The following KEL variants were observed in gnomAD, a reference collection of about 807,000 sequenced individuals.
The protein encoded by KEL is kell blood group glycoprotein.
KEL carries 96 observed loss-of-function variants against 99.5 expected under a neutral mutation model. The ratio of observed to expected loss-of-function variants is 0.97; its 90% CI spans 0.82 to 1.14. The LOEUF (loss-of-function observed/expected upper bound fraction) is 1.14, where lower values mean the gene tolerates loss of function less well. KEL is among the 50% of genes most tolerant of loss of function. The probability of loss-of-function intolerance (pLI) is 0.00; values close to 1 mark genes in which losing one functional copy is unlikely to be tolerated. For synonymous variants in KEL, 355 were observed against 354.8 expected (o/e 1.00, Z -0.01); for missense variants, 926 against 924.2 (o/e 1.00, Z -0.03).
At position 142,952,588 on chromosome 7, in the gene KEL, G is replaced by C; in HGVS notation, c.1124C>G (p.Pro375Arg). 1 of 1,614,110 alleles carries C rather than the reference G, an allele frequency of 6.2e-7. No homozygotes were observed. The highest frequency in any genetic ancestry group is 8.5e-7 in the Non-Finnish European group (1 of 1,180,018). ...CTCCTGGAATTGACTGTCCAGGGCT[G>C]GAGAAAGGGTCACCACCAGCCCTAA... ...MILGLVVTLS[P>R]ALDSQFQEAR... Residue 375 changes from proline (P) to arginine (R), a missense_variant, in exon 10 of 19, where the codon CCA becomes CGA. By Grantham distance (103) the Pro-to-Arg change is moderately radical. Coordinates refer to ENST00000355265, the MANE Select transcript of KEL (RefSeq NM_000420.3).
chr7:142,949,710 C>T (rs1796627965), intron 10 of KEL, among the ~76,000 whole-genome samples: 1 of 152,010 alleles, frequency 6.6e-6, no homozygotes, highest in Non-Finnish European at 1.5e-5. Context: ...CGATGCCCTT[C>T]TCCCTTCAGG....
At position 142,962,293 on chromosome 7, in the gene KEL, C is replaced by A. The variant is rs1242863593; in HGVS notation, c.-87G>T. The stretch of plus-strand genomic sequence containing the variant: ...ACTGGGGTCCAGGAAACACCCCCCG[C>A]CCCAGTTCCTTGATCCTGGAGAAGG... On this transcript the variant is annotated 5_prime_UTR_variant, in exon 1 of 19. Coordinates refer to ENST00000355265, the MANE Select transcript of KEL (RefSeq NM_000420.3). 4 of 1,478,038 alleles carry A rather than the reference C, an allele frequency of 2.7e-6. No homozygotes were observed. In the African/African-American group the frequency reaches 5.5e-5, roughly 20 times the overall value. The allele number at this position is 1,478,038 out of a possible 1,614,324, so 91.6% of individuals were successfully genotyped here.
chr7:142,941,953 C>T (rs761867376), intron 18 of KEL: 7 of 167,958 alleles, frequency 4.2e-5, no homozygotes, highest in South Asian at 3.2e-4. Context: ...GGATTACAGG[C>T]GCCCGCCACC....
chr7:142,958,278 A>G (rs749470793), intron 5 of KEL, 26 bp downstream of exon 5: 21 of 1,613,934 alleles, frequency 1.3e-5, no homozygotes, highest in Non-Finnish European at 1.8e-5. Flanking sequence ...TGTATCCAGA[A>G]AAGTTAATAT....
At chr7:142,958,181 T>C (rs1796873994) in intron 5 of KEL, 123 bp downstream of exon 5, 2 of 1,432,820 alleles carry the variant, frequency 1.4e-6, no homozygotes, top group Non-Finnish European at 2.0e-6. Context: ...TCCATCTCCC[T>C]CCTAGAAATT....
chr7:142,945,984 T>G (rs1321563754), intron 11 of KEL: 4 of 591,920 alleles, frequency 6.8e-6, no homozygotes, highest in African/African-American at 1.9e-5. Flanking sequence ...GGGTGACTTG[T>G]CCAAGTGAGA....
intron 7 of KEL, 43 bp downstream of exon 7, chr7:142,954,422 C>T (rs1796774963): frequency 5.6e-6 from 9 of 1,612,080 alleles, no homozygotes; most frequent in Admixed American, 1.7e-5. Context: ...CTGCTTTTCT[C>T]CTGGCCTCAG....
intron 4 of KEL, among the ~76,000 whole-genome samples, chr7:142,960,441 C>G (rs1796928438): frequency 6.6e-6 from 1 of 152,042 alleles, no homozygotes; most frequent in African/African-American, 2.4e-5. Flanking sequence ...CATTGGGAGA[C>G]TGAGGTTTTG....
At chr7:142,941,449 C>T in intron 18 of KEL, 36 bp from the exon 19 acceptor site, 5 of 1,551,094 alleles carry the variant, frequency 3.2e-6, no homozygotes, top group Non-Finnish European at 4.4e-6. Flanking sequence ...GGGGGAGGGT[C>T]CACAGGACAA....
chr7:142,954,078 A>G, intron 8 of KEL, 106 bp downstream of exon 8: 1 of 1,423,660 alleles, frequency 7.0e-7, no homozygotes, highest in Non-Finnish European at 9.8e-7. Context: ...GGAGTCAGAG[A>G]CAGAATGAAA....
intron 10 of KEL, among the ~76,000 whole-genome samples, chr7:142,948,120 G>T (rs971634304): frequency 2.0e-5 from 3 of 152,140 alleles, no homozygotes; most frequent in African/African-American, 7.2e-5. Context: ...GATGCCCTTT[G>T]CTGGAGCCTG....
At chr7:142,941,626 T>C (rs1218754963) in intron 18 of KEL, among the ~76,000 whole-genome samples, 2 of 152,118 alleles carry the variant, frequency 1.3e-5, no homozygotes, top group African/African-American at 4.8e-5. Flanking sequence ...CATTTATCAA[T>C]GACAGAGAGG....
Position 142,942,966 on chromosome 7 carries a change from G to A in KEL, c.1850C>T (p.Ala617Val), listed in dbSNP as rs374902111. 13 of 1,614,180 alleles carry A rather than the reference G, an allele frequency of 8.1e-6. No homozygotes were observed. The highest frequency in any genetic ancestry group is 8.0e-5 in the African/African-American group (6 of 75,036). ...AHLCLKRHYA[A>V]FPLPSRTSFN... The stretch of plus-strand genomic sequence containing the variant: ...GGAGGTTCTGCTAGGTAATGGAAAG[G>A]CAGCATAATGGCGCTTCAGGCACAG... Residue 617 changes from alanine (A) to valine (V), a missense_variant, in exon 17 of 19, where the codon GCC becomes GTC. By Grantham distance (64) the Ala-to-Val change is moderately conservative. Coordinates refer to ENST00000355265, the MANE Select transcript of KEL (RefSeq NM_000420.3).
chr7:142,954,533 C>A lies in KEL; in HGVS notation c.673-6G>T, dbSNP rs780895851. 3.7e-6 allele frequency: 6 copies of A among 1,613,674 alleles called. No homozygotes were observed. Among genetic ancestry groups the A allele is most frequent in the South Asian group, 3.3e-5 (3 of 91,060 alleles). On this transcript the variant is annotated splice_region_variant and splice_polypyrimidine_tract_variant and intron_variant, in intron 6 of 18. Transcript: ENST00000355265. ...TCAAACTCTGGCTGGTCTATCTGGGCACAAGAGAGACTGGAGAGAAGCAGG... is the reference window on the plus strand; with the variant it reads ...TCAAACTCTGGCTGGTCTATCTGGGAACAAGAGAGACTGGAGAGAAGCAGG...
At chr7:142,955,716 A>G (rs2116674811) in intron 6 of KEL, among the ~76,000 whole-genome samples, 1 of 152,084 alleles carries the variant, frequency 6.6e-6, no homozygotes, top group Middle Eastern at 3.4e-3. Context: ...TCTTATCTTG[A>G]GCCATATACT....
intron 1 of KEL, 29 bp downstream of exon 1, chr7:142,962,175 T>A: frequency 1.2e-6 from 2 of 1,614,094 alleles, no homozygotes; most frequent in Non-Finnish European, 1.7e-6. Flanking sequence ...CCCTCCCCGC[T>A]AAGCCTCTGA....
chr7:142,961,263 G>A (rs1160710974), intron 3 of KEL, 97 bp downstream of exon 3: 8 of 1,574,526 alleles, frequency 5.1e-6, no homozygotes, highest in Non-Finnish European at 6.1e-6. Context: ...GGACCCCAAG[G>A]GTCAGGGTGG....
chr7:142,953,397 C>T (rs1430721339), intron 9 of KEL: 2 of 984,808 alleles, frequency 2.0e-6, no homozygotes, highest in African/African-American at 3.5e-5. Flanking sequence ...TGTTCATCTC[C>T]TCATCTCATG....
chr7:142,959,201 T>C (rs1260301669), intron 4 of KEL, among the ~76,000 whole-genome samples: 1 of 151,980 alleles, frequency 6.6e-6, no homozygotes, highest in Non-Finnish European at 1.5e-5. Flanking sequence ...GGCAGGAGAA[T>C]TAAAGGAGTG....
Sources: gnomAD v4.1 joint callset for allele counts (sites outside exome capture counted in the v4.1 genomes callset) on GRCh38, gnomAD v4.1.1 for gene constraint, MANE v1.5 for transcripts, NCBI Gene and HGNC (gene_info 2026-07-23, HGNC 2026-07-21) for gene names.